The following PITPNC1 variants were observed in gnomAD, a reference collection of about 807,000 sequenced individuals.
PITPNC1 encodes the protein phosphatidylinositol transfer protein cytoplasmic 1, also known as cytoplasmic phosphatidylinositol transfer protein 1.
In PITPNC1, 18 loss-of-function variants were observed where a neutral mutation model predicts 44.7. That is an observed-to-expected ratio of 0.40 (90% confidence interval 0.28 to 0.60). The LOEUF (loss-of-function observed/expected upper bound fraction) is 0.60, where lower values mean the gene tolerates loss of function less well. PITPNC1 is among the 20% of genes least tolerant of loss of function. The probability of loss-of-function intolerance (pLI) is 0.39; values close to 1 mark genes in which losing one functional copy is unlikely to be tolerated. For missense variants in PITPNC1, 290 were observed against 418.4 expected (o/e 0.69, Z 2.68); for synonymous variants, 141 against 149.6 (o/e 0.94, Z 0.42).
At chr17:67,622,267 A>AG (rs1226080780) in intron 5 of PITPNC1, among the ~76,000 whole-genome samples, 2 of 151,118 alleles carry the variant, frequency 1.3e-5, no homozygotes, top group Non-Finnish European at 2.9e-5. Context: ...AAAAAAAAAA[A>AG]AAAAAAGAAA....
intron 5 of PITPNC1, among the ~76,000 whole-genome samples, chr17:67,585,815 A>G (rs74810591): frequency 0.017 from 2,528 of 152,278 alleles, 34 homozygotes; most frequent in South Asian, 0.046. Flanking sequence ...AAAAACAAAC[A>G]AGCAGACTCT....
At chr17:67,600,509 A>G (rs1018721551) in intron 5 of PITPNC1, among the ~76,000 whole-genome samples, 1 of 152,186 alleles carries the variant, frequency 6.6e-6, no homozygotes, top group African/African-American at 2.4e-5. Context: ...AGGATTTGAA[A>G]AAGAACCAGT....
chr17:67,663,340 C>G (rs1292606608), intron 6 of PITPNC1, among the ~76,000 whole-genome samples: 1 of 151,938 alleles, frequency 6.6e-6, no homozygotes, highest in Non-Finnish European at 1.5e-5. Context: ...GAGGCCGAGG[C>G]GGGTGGATCA....
At chr17:67,539,069 A>C (rs1267532634) in intron 2 of PITPNC1, among the ~76,000 whole-genome samples, 1 of 152,196 alleles carries the variant, frequency 6.6e-6, no homozygotes, top group African/African-American at 2.4e-5. Flanking sequence ...TAAACATGAA[A>C]AAAATTCCCA....
At position 67,601,272 on chromosome 17, in the gene PITPNC1, T is replaced by C. The variant is rs968577745; in HGVS notation, c.366+23015T>C. On this transcript the variant is annotated intron_variant, in intron 5 of 8. Transcript: ENST00000581322. ...TACAAAGGGACAATCCTCATCCTAA[T>C]AGTGGACTTCTCATTAGCAACAGCT... Among the ~76,000 whole-genome samples, 4 of 152,262 alleles carry C rather than the reference T, an allele frequency of 2.6e-5. No individual in the cohort carries two copies. The East Asian group carries it at 5.8e-4, about 22-fold the overall frequency.
Position 67,669,567 on chromosome 17 carries a change from A to C in PITPNC1, c.522A>C (p.Arg174Ser). The C allele has an allele frequency of 2.5e-6, 4 of 1,608,906 alleles. No homozygotes were observed. Among genetic ancestry groups the C allele is most frequent in the Non-Finnish European group, 3.4e-6 (4 of 1,176,320 alleles). The stretch of plus-strand genomic sequence containing the variant: ...GGGGACAGTTGAGGGAAGGCTGGAG[A>C]GATAGTCATCAGCCTATCATGTGCT... ...TGRGQLREGW[R>S]DSHQPIMCSY... is the part of the protein sequence containing the mutation. The change falls in exon 7 of 9, where the codon AGA (arginine) becomes AGC (serine). Residue 174 changes from arginine (R) to serine (S), a missense_variant. Arg to Ser is a moderately radical substitution (Grantham distance 110). Transcript: ENST00000581322.
chr17:67,423,320 A>G (rs1326627534), intron 1 of PITPNC1, among the ~76,000 whole-genome samples: 1 of 152,178 alleles, frequency 6.6e-6, no homozygotes, highest in Admixed American at 6.5e-5. Flanking sequence ...TATTGGAAAC[A>G]TGGTGTGTTG....
intron 8 of PITPNC1, among the ~76,000 whole-genome samples, chr17:67,686,427 G>C (rs1385333536): frequency 3.3e-5 from 5 of 151,982 alleles, no homozygotes; most frequent in Middle Eastern, 3.4e-3. Flanking sequence ...TTTATTTTTA[G>C]ATCAGTGTGG....
intron 1 of PITPNC1, among the ~76,000 whole-genome samples, chr17:67,522,659 C>CTTTTTTT (rs773797594): frequency 0.051 from 5,937 of 117,088 alleles, 383 homozygotes; most frequent in Middle Eastern, 0.093. Flanking sequence ...CCATTTTAAT[C>CTTTTTTT]TTTTTTTTTT....
intron 1 of PITPNC1, among the ~76,000 whole-genome samples, chr17:67,413,562 T>C (rs1348948772): frequency 6.6e-6 from 1 of 152,082 alleles, no homozygotes; most frequent in Non-Finnish European, 1.5e-5. Context: ...GAGGCCTCCT[T>C]CACCTCTATC....
intron 1 of PITPNC1, among the ~76,000 whole-genome samples, chr17:67,412,264 A>G (rs2038511011): frequency 6.6e-6 from 1 of 152,152 alleles, no homozygotes; most frequent in Non-Finnish European, 1.5e-5. Context: ...GGCAGGGTTT[A>G]ATGTGTGCTG....
intron 1 of PITPNC1, among the ~76,000 whole-genome samples, chr17:67,498,697 G>A (rs1263736397): frequency 6.6e-6 from 1 of 152,084 alleles, no homozygotes; most frequent in Non-Finnish European, 1.5e-5. Flanking sequence ...CTACGTCCTT[G>A]CCAACACTTG....
intron 8 of PITPNC1, among the ~76,000 whole-genome samples, chr17:67,692,112 CAAT>C (rs1473928211): frequency 2.0e-5 from 3 of 151,968 alleles, no homozygotes; most frequent in Non-Finnish European, 4.4e-5. Flanking sequence ...ACAATAATGA[CAAT>C]AATATGTGTC....
intron 2 of PITPNC1, among the ~76,000 whole-genome samples, chr17:67,544,199 C>T (rs2040646910): frequency 6.6e-6 from 1 of 152,146 alleles, no homozygotes; most frequent in African/African-American, 2.4e-5. Flanking sequence ...AGTAGTATGC[C>T]TTGACACGTC....
At chr17:67,388,522 A>G (rs2038088267) in intron 1 of PITPNC1, among the ~76,000 whole-genome samples, 1 of 151,930 alleles carries the variant, frequency 6.6e-6, no homozygotes, top group Non-Finnish European at 1.5e-5. Flanking sequence ...AGGTTTCTCC[A>G]TGTTGGCCAG....
At chr17:67,661,024 A>G (rs1212999054) in intron 6 of PITPNC1, among the ~76,000 whole-genome samples, 1 of 132,802 alleles carries the variant, frequency 7.5e-6, no homozygotes, top group East Asian at 2.2e-4. Context: ...ACGCCCAGCT[A>G]ATTTTTTTTT....
At chr17:67,394,165 G>C (rs935434821) in intron 1 of PITPNC1, among the ~76,000 whole-genome samples, 2 of 151,948 alleles carry the variant, frequency 1.3e-5, no homozygotes, top group Non-Finnish European at 2.9e-5. Flanking sequence ...AGGGAGTTTA[G>C]TACTGATTCT....
At chr17:67,555,672 CAAAAAAAA>C (rs67935513) in intron 4 of PITPNC1, among the ~76,000 whole-genome samples, 29,373 of 78,158 alleles carry the variant, frequency 0.38, 3,398 homozygotes, top group East Asian at 0.6. Context: ...ACTAAAAATA[CAAAAAAAA>C]AAAAAAAAAA....
Position 67,597,012 on chromosome 17 carries a change from G to A in PITPNC1, c.366+18755G>A, listed in dbSNP as rs1290356374. ...GGGCTCAAGTGATCTTCTCACCTCA[G>A]CCTCCCAAGTAACTGGGACTATAGG... is the stretch of plus-strand genomic sequence containing the variant. On this transcript the variant is annotated intron_variant, in intron 5 of 8. Transcript: ENST00000581322. The surrounding 1 kb of genome is among the most constrained non-coding windows in gnomAD (Gnocchi z 4.0). Among the ~76,000 whole-genome samples the A allele has an allele frequency of 1.3e-5, 2 of 151,878 alleles. No individual in the cohort carries two copies. The highest frequency in any genetic ancestry group is 2.4e-5 in the African/African-American group (1 of 41,324).
Sources: allele counts gnomAD v4.1 joint callset (sites outside exome capture counted in the v4.1 genomes callset), GRCh38; gene constraint gnomAD v4.1.1; non-coding constraint Gnocchi (gnomAD v3.1); transcripts MANE v1.5; gene names NCBI Gene and HGNC (gene_info 2026-07-23, HGNC 2026-07-21).